Variants in OSBP2 observed in about 807,000 individuals in gnomAD.
OSBP2 encodes the protein oxysterol-binding protein 2.
Under a neutral mutation model 96.0 loss-of-function variants are expected in OSBP2, and 66 were observed. The ratio of observed to expected loss-of-function variants is 0.69; its 90% CI spans 0.56 to 0.84. OSBP2 has a LOEUF of 0.84. OSBP2 is among the 40% of genes least tolerant of loss of function. OSBP2 has a pLI of 0.00. For synonymous variants in OSBP2, 525 were observed against 520.9 expected (o/e 1.01, Z -0.11); for missense variants, 1,038 against 1,222.7 (o/e 0.85, Z 2.25).
chr22:30,695,610 G>T, intron 1 of OSBP2, 57 bp downstream of exon 1: 1 of 1,549,492 alleles, frequency 6.5e-7, no homozygotes, highest in Admixed American at 1.8e-5. Context: ...CTGCAGGGAT[G>T]GTGATGGAGG....
upstream of OSBP2, chr22:30,693,828 A>C: frequency 2.2e-6 from 1 of 464,552 alleles, no homozygotes; most frequent in Non-Finnish European, 3.9e-6. Flanking sequence ...TTAGCTGGGC[A>C]TGGTGCGGGC....
chr22:30,888,269 T>C lies in OSBP2; in HGVS notation c.1347T>C (p.Asp449=). The change falls in exon 5 of 14, where the codon GAT becomes GAC. Residue 449 remains aspartate, a synonymous_variant. Coordinates refer to ENST00000332585, the MANE Select transcript of OSBP2 (RefSeq NM_030758.4). ...GAGAGGACAGTGAGGAAGATGAAGATACCGAGTACTTTGATGCCATGGAAG... is the reference window on the plus strand; with the variant it reads ...GAGAGGACAGTGAGGAAGATGAAGACACCGAGTACTTTGATGCCATGGAAG... ...PKGEDSEEDE[D]TEYFDAMEDS... 2 of 1,613,718 alleles carry C rather than the reference T, an allele frequency of 1.2e-6. No individual in the cohort carries two copies. Among genetic ancestry groups the C allele is most frequent in the African/African-American group, 1.3e-5 (1 of 75,030 alleles).
At position 30,906,026 on chromosome 22, in the gene OSBP2, G is replaced by T. The variant is rs770183785; in HGVS notation, c.2565G>T (p.Arg855=). Residue 855 remains arginine (R), a synonymous_variant, in exon 13 of 14, where the codon CGG becomes CGT. Coordinates refer to ENST00000332585, the MANE Select transcript of OSBP2 (RefSeq NM_030758.4). ...EEKQRLSRRR[R]LEACGPGSSC... ...AGCAGCGCCTGTCGCGGCGCCGGCG[G>T]CTGGAGGCCTGCGGGCCGGGCAGCA... 10 of 1,573,358 alleles carry T rather than the reference G, an allele frequency of 6.4e-6. No individual in the cohort carries two copies. The highest frequency in any genetic ancestry group is 5.7e-5 in the Admixed American group (3 of 52,852).
rs74718186 is a variant in OSBP2 at position 30,881,033 on chromosome 22, T to C, written c.1108-6393T>C. Among the ~76,000 whole-genome samples, 1,793 of 152,156 alleles carry C rather than the reference T, an allele frequency of 0.012. 84 individuals carry two copies. The highest frequency in any genetic ancestry group is 0.086 in the Admixed American group (1,312 of 15,302). The stretch of plus-strand genomic sequence containing the variant: ...GCTGCCCCAGGGCGGAGACCCCCCT[T>C]GTCTGTCGAGCTTTGTGGTTCTCAC... On this transcript the variant is annotated intron_variant, in intron 3 of 13. Coordinates refer to ENST00000332585, the MANE Select transcript of OSBP2 (RefSeq NM_030758.4). The surrounding 1 kb of genome is among the most constrained non-coding windows in gnomAD (Gnocchi z 4.5).
chr22:30,773,213 C>A (rs893354568), intron 2 of OSBP2: 1 of 151,478 alleles, frequency 6.6e-6, no homozygotes, highest in Non-Finnish European at 1.5e-5. Flanking sequence ...AGCAATTCTT[C>A]TGCCTCAGCC....
At chr22:30,698,614 A>G (rs1438674185) in intron 1 of OSBP2, among the ~76,000 whole-genome samples, 5 of 151,286 alleles carry the variant, frequency 3.3e-5, no homozygotes, top group South Asian at 2.1e-4. Context: ...AATTTTTTGT[A>G]TTTTTAGTAG....
chr22:30,713,830 A>G (rs2089399834), intron 1 of OSBP2, among the ~76,000 whole-genome samples: 2 of 152,208 alleles, frequency 1.3e-5, no homozygotes, highest in Admixed American at 1.3e-4. Context: ...ATTTTGGCTC[A>G]TGTATACCAC....
chr22:30,833,620 T>C (rs1415755221), intron 2 of OSBP2, among the ~76,000 whole-genome samples: 1 of 152,192 alleles, frequency 6.6e-6, no homozygotes, highest in African/African-American at 2.4e-5. Flanking sequence ...AGCCAGCCAC[T>C]AGTCTCACCA....
intron 1 of OSBP2, among the ~76,000 whole-genome samples, chr22:30,712,489 A>C (rs2089368613): frequency 6.6e-6 from 1 of 152,194 alleles, no homozygotes; most frequent in African/African-American, 2.4e-5. Flanking sequence ...GCTGCTATGG[A>C]ACCTCAGAAT....
At chr22:30,894,690 T>G (rs565517995) in intron 12 of OSBP2, among the ~76,000 whole-genome samples, 158 of 152,170 alleles carry the variant, frequency 1.0e-3, no homozygotes, top group Non-Finnish European at 2.0e-3. Context: ...ACAAAGAAAT[T>G]CCTGCACCTA....
intron 2 of OSBP2, among the ~76,000 whole-genome samples, chr22:30,798,942 A>T (rs1373864131): frequency 6.7e-6 from 1 of 149,884 alleles, no homozygotes; most frequent in African/African-American, 2.5e-5. Flanking sequence ...TGAACCCAGG[A>T]GGCGGAGGTT....
chr22:30,748,652 G>A (rs1312902518), intron 2 of OSBP2, among the ~76,000 whole-genome samples: 1 of 152,204 alleles, frequency 6.6e-6, no homozygotes, highest in Non-Finnish European at 1.5e-5. Flanking sequence ...ATTGTCACCA[G>A]AAAAGGGGTC....
At chr22:30,811,618 A>T (rs1376746354) in intron 2 of OSBP2, among the ~76,000 whole-genome samples, 1 of 151,376 alleles carries the variant, frequency 6.6e-6, no homozygotes, top group Non-Finnish European at 1.5e-5. Context: ...GCAATGACAC[A>T]ATCGCAGCTC....
chr22:30,714,529 GT>G (rs1445861929), intron 1 of OSBP2, among the ~76,000 whole-genome samples: 4 of 152,002 alleles, frequency 2.6e-5, no homozygotes, highest in African/African-American at 7.2e-5. Flanking sequence ...TCTCCAAAAT[GT>G]TTTCATCCTG....
At chr22:30,717,613 G>T (rs971065535) in intron 1 of OSBP2, among the ~76,000 whole-genome samples, 1 of 152,212 alleles carries the variant, frequency 6.6e-6, no homozygotes, top group Non-Finnish European at 1.5e-5. Flanking sequence ...AAGAATGATT[G>T]CCATAGCCTG....
At chr22:30,741,778 C>T (rs185034062) in intron 2 of OSBP2, among the ~76,000 whole-genome samples, 159 of 152,150 alleles carry the variant, frequency 1.0e-3, no homozygotes, top group Non-Finnish European at 1.8e-3. Flanking sequence ...TAGGGAAGCC[C>T]GCTCAGATGT....
chr22:30,868,842 A>G (rs1225955323), intron 2 of OSBP2, among the ~76,000 whole-genome samples: 11 of 151,868 alleles, frequency 7.2e-5, no homozygotes, highest in Admixed American at 4.6e-4. Flanking sequence ...AGCCATGTCC[A>G]CCCCCGTGTA....
At chr22:30,821,586 G>C (rs943534502) in intron 2 of OSBP2, among the ~76,000 whole-genome samples, 2 of 152,090 alleles carry the variant, frequency 1.3e-5, no homozygotes, top group African/African-American at 4.8e-5. Context: ...GGGGATGGGG[G>C]TGCGGGGATA....
intron 1 of OSBP2, among the ~76,000 whole-genome samples, chr22:30,724,345 G>C (rs767827938): frequency 2.6e-5 from 4 of 152,094 alleles, no homozygotes; most frequent in Non-Finnish European, 4.4e-5. Flanking sequence ...AGCCTCCTGG[G>C]TAGCTGGGAT....
Sources: allele counts gnomAD v4.1 joint callset (sites outside exome capture counted in the v4.1 genomes callset), GRCh38; gene constraint gnomAD v4.1.1; non-coding constraint Gnocchi (gnomAD v3.1); transcripts MANE v1.5; gene names NCBI Gene and HGNC (gene_info 2026-07-23, HGNC 2026-07-21).